Variants in OCSTAMP observed in about 807,000 individuals in gnomAD.
OCSTAMP encodes transmembrane protein C20orf123.
OCSTAMP carries 17 observed loss-of-function variants against 25.2 expected under a neutral mutation model. That is an observed-to-expected ratio of 0.68 (90% CI 0.46 to 1.01). OCSTAMP has a LOEUF of 1.01. OCSTAMP is among the 50% of genes least tolerant of loss of function. The probability of loss-of-function intolerance (pLI) is 0.00; values close to 1 mark genes in which losing one functional copy is unlikely to be tolerated. For missense variants in OCSTAMP, 664 were observed against 694.6 expected, an observed-to-expected ratio of 0.96 and a Z score of 0.50; for synonymous variants, 345 against 318.9, an observed-to-expected ratio of 1.08 and a Z score of -0.87.
At chr20:46,546,468 G>T in intron 1 of OCSTAMP, 139 bp from the exon 2 acceptor site, 1 of 714,374 alleles carries the variant, frequency 1.4e-6, no homozygotes, top group Non-Finnish European at 2.3e-6. Context: ...GGACCAATCA[G>T]AGTAAGTCAC....
At position 46,544,396 on chromosome 20, in the gene OCSTAMP, T is replaced by G. The variant is rs2061844754; in HGVS notation, c.1047+931A>C. On this transcript the variant is annotated intron_variant, in intron 2 of 2. Coordinates refer to ENST00000279028, the MANE Select transcript of OCSTAMP (RefSeq NM_080721.3). ...AAACACTATTTATGACTCCTTAAAT[T>G]GATTAAATTGATTTTGTGCAGTCTG... Among the ~76,000 whole-genome samples, 6 of 152,242 alleles carry G rather than the reference T, an allele frequency of 3.9e-5. 1 individual carries two copies. In the South Asian group the frequency reaches 1.2e-3, roughly 31 times the overall value.
At position 46,544,561 on chromosome 20, in the gene OCSTAMP, G is replaced by C. The variant is rs1474949328; in HGVS notation, c.1047+766C>G. Among the ~76,000 whole-genome samples, 9 of 152,270 alleles carry C rather than the reference G, an allele frequency of 5.9e-5. No individual in the cohort carries two copies. The South Asian group carries it at 8.3e-4, about 14-fold the overall frequency. Reference sequence around the variant, plus strand: ...CACTACTAAAAATTAAAAATAAAAAGATCCGTGGCAAAAGAAAGGATCGAA... The same window carrying C: ...CACTACTAAAAATTAAAAATAAAAACATCCGTGGCAAAAGAAAGGATCGAA... On this transcript the variant is annotated intron_variant, in intron 2 of 2. Coordinates refer to ENST00000279028, the MANE Select transcript of OCSTAMP (RefSeq NM_080721.3).
At position 46,541,412 on chromosome 20, in the gene OCSTAMP, C is replaced by T; in HGVS notation, c.1563G>A (p.Leu521=). ...LGPVPPPCVT[L]GKSLHLSEPR... is the part of the protein sequence containing the mutation. ...GCTCAGAGAGGTGAAGTGACTTACC[C>T]AAGGTCACACAGGGAGGCGGCACAG... Residue 521 remains leucine (L), a synonymous_variant, in exon 3 of 3, where the codon TTG becomes TTA. Transcript: ENST00000279028. 2 of 1,295,862 alleles carry T rather than the reference C, an allele frequency of 1.5e-6. No homozygotes were observed. Among genetic ancestry groups the T allele is most frequent in the Admixed American group, 2.0e-5 (1 of 50,690 alleles). The allele number at this position is 1,295,862 out of a possible 1,614,324, so 80.3% of individuals were successfully genotyped here. A position where few individuals can be genotyped will look rare whatever the true frequency, so the allele number is the denominator to read the frequency against.
chr20:46,542,281 T>G (rs111735135), intron 2 of OCSTAMP, among the ~76,000 whole-genome samples: 10,362 of 152,182 alleles, frequency 0.068, 399 homozygotes, highest in South Asian at 0.12. Context: ...AGGAGCCTAA[T>G]TTAAAAGATG....
At position 46,550,610 on chromosome 20, in the gene OCSTAMP, C is replaced by T. The variant is rs1422720402; in HGVS notation, c.-50G>A. On this transcript the variant is annotated 5_prime_UTR_variant, in exon 1 of 3. Transcript: ENST00000279028. Reference sequence around the variant, plus strand: ...GGCGGGCGGTCGCTGGCAGCTGTGGCAGGTGGAGAGGAAGTGGGGGAATCG... The same window carrying T: ...GGCGGGCGGTCGCTGGCAGCTGTGGTAGGTGGAGAGGAAGTGGGGGAATCG... 6.5e-7 allele frequency: 1 copy of T among 1,534,188 alleles called. No homozygotes were observed. The highest frequency in any genetic ancestry group is 2.5e-5 in the East Asian group (1 of 40,816).
chr20:46,545,927 C>T lies in OCSTAMP; in HGVS notation c.447G>A (p.Leu149=), dbSNP rs775992605. The change falls in exon 2 of 3, where the codon CTG becomes CTA. Residue 149 remains leucine, a synonymous_variant. Coordinates refer to ENST00000279028, the MANE Select transcript of OCSTAMP (RefSeq NM_080721.3). ...CCAGGGAGCCCTCGGTGACACACCTCAGCACCTGCCCGGCCGCACCCACGT... is the reference window on the plus strand; with the variant it reads ...CCAGGGAGCCCTCGGTGACACACCTTAGCACCTGCCCGGCCGCACCCACGT... ...LANVGAAGQV[L]RCVTEGSLES... The T allele has an allele frequency of 4.0e-5, 62 of 1,551,262 alleles. No homozygotes were observed. Among genetic ancestry groups the T allele is most frequent in the Non-Finnish European group, 9.6e-6 (11 of 1,147,010 alleles).
chr20:46,542,463 C>T (rs181868176), intron 2 of OCSTAMP, among the ~76,000 whole-genome samples: 260 of 151,536 alleles, frequency 1.7e-3, no homozygotes, highest in African/African-American at 5.8e-3. Context: ...TGCCTGTAAT[C>T]CCAGCTTCTC....
In OCSTAMP at chr20:46,549,157, A is replaced by G. The variant is rs139162301; in HGVS notation, c.44+1360T>C. Among the ~76,000 whole-genome samples the G allele has an allele frequency of 1.5e-3, 229 of 152,300 alleles. 3 individuals carry two copies. Among genetic ancestry groups the G allele is most frequent in the African/African-American group, 5.3e-3 (222 of 41,570 alleles). ...AAGATCAATCTGTCACTTGCAACTC[A>G]ATGAGTCCTGACTAATACAGAAACC... is the stretch of plus-strand genomic sequence containing the variant. On this transcript the variant is annotated intron_variant, in intron 1 of 2. Coordinates refer to ENST00000279028, the MANE Select transcript of OCSTAMP (RefSeq NM_080721.3).
At chr20:46,543,614 G>T (rs956135339) in intron 2 of OCSTAMP, among the ~76,000 whole-genome samples, 2 of 152,096 alleles carry the variant, frequency 1.3e-5, no homozygotes, top group African/African-American at 4.8e-5. Flanking sequence ...TTATAGATAG[G>T]CATGAGCCTC....
chr20:46,542,126 A>G (rs2061836541), intron 2 of OCSTAMP, among the ~76,000 whole-genome samples, 199 bp from the exon 3 acceptor site: 1 of 152,166 alleles, frequency 6.6e-6, no homozygotes, highest in African/African-American at 2.4e-5. Context: ...TCACCATACA[A>G]ATGTTACTAA....
chr20:46,542,057 G>A, intron 2 of OCSTAMP, 130 bp from the exon 3 acceptor site: 1 of 1,301,374 alleles, frequency 7.7e-7, no homozygotes, highest in Non-Finnish European at 9.8e-7. Context: ...GTTTCCCAGG[G>A]TTTGAGGAGG....
In OCSTAMP at chr20:46,545,780, A is replaced by C; in HGVS notation, c.594T>G (p.Leu198=). 1 of 1,551,448 alleles carries C rather than the reference A, an allele frequency of 6.4e-7. No individual in the cohort carries two copies. Among genetic ancestry groups the C allele is most frequent in the Non-Finnish European group, 8.7e-7 (1 of 1,146,986 alleles). ...CCTGCTGAGTGACCCTGAGCATGTG[A>C]AGGTAGAAGGCAGAGCCATTGTCCT... The part of the protein sequence containing the change: ...EAQDNGSAFY[L]HMLRVTQQVL... Residue 198 remains leucine (L), a synonymous_variant, in exon 2 of 3, where the codon CTT becomes CTG. Transcript: ENST00000279028.
chr20:46,541,563 G>A lies in OCSTAMP; in HGVS notation c.1412C>T (p.Thr471Ile). The change falls in exon 3 of 3, where the codon ACA becomes ATA. Residue 471 changes from threonine (T) to isoleucine (I), a missense_variant. Thr to Ile is a moderately conservative substitution (Grantham distance 89, BLOSUM62 -1). Transcript: ENST00000279028. ...CGGAGGCTTGCAGGCAGGTCTGGGT[G>A]TGGGGACGCAAGAAGGATCCCCTAG... ...LPLGDPSCVP[T>I]PRPACKPPAW... 3.2e-6 allele frequency: 5 copies of A among 1,551,736 alleles called. No homozygotes were observed. The highest frequency in any genetic ancestry group is 2.4e-5 in the East Asian group (1 of 40,918).
At chr20:46,546,382 G>GTC in intron 1 of OCSTAMP, 53 bp from the exon 2 acceptor site, 1 of 1,436,134 alleles carries the variant, frequency 7.0e-7, no homozygotes, top group Non-Finnish European at 9.4e-7. Flanking sequence ...GTGGGTGGGT[G>GTC]TCTGTCCACT....
At position 46,545,170 on chromosome 20, in the gene OCSTAMP, C is replaced by T. The variant is rs569157918; in HGVS notation, c.1047+157G>A. ...ACTTCCTAGAGCTGTTGTGGGTATC[C>T]GATGAGTCCCTCTGCCCATGGTATG... is the stretch of plus-strand genomic sequence containing the variant. On this transcript the variant is annotated intron_variant, in intron 2 of 2. Transcript: ENST00000279028. 5.3e-5 allele frequency among the ~76,000 whole-genome samples: 8 copies of T among 152,214 alleles called. No individual in the cohort carries two copies. The East Asian group carries it at 7.7e-4, about 15-fold the overall frequency.
chr20:46,541,651 C>T lies in OCSTAMP; in HGVS notation c.1324G>A (p.Val442Ile). ...SFFTAQEARRVRHLHARLQRR... is the reference protein window; with the variant it reads ...SFFTAQEARRIRHLHARLQRR... ...TGGAGCCGGGCGTGCAGGTGGCGGA[C>T]CCTCCTCGCCTCCTGGGCTGTGAAG... Residue 442 changes from valine to isoleucine, a missense_variant, in exon 3 of 3, where the codon GTC becomes ATC. Transcript: ENST00000279028. 1.3e-6 allele frequency: 2 copies of T among 1,550,968 alleles called. No homozygotes were observed. Among genetic ancestry groups the T allele is most frequent in the South Asian group, 1.2e-5 (1 of 84,058 alleles).
At chr20:46,545,146 C>T (rs1166758454) in intron 2 of OCSTAMP, among the ~76,000 whole-genome samples, 181 bp downstream of exon 2, 2 of 152,152 alleles carry the variant, frequency 1.3e-5, no homozygotes, top group African/African-American at 4.8e-5. Flanking sequence ...ATAGAAACCA[C>T]TTCCTAGAGC....
Position 46,541,547 on chromosome 20 carries a change from G to A in OCSTAMP, c.1428C>T (p.Cys476=). Residue 476 remains cysteine, a synonymous_variant, in exon 3 of 3, where the codon TGC becomes TGT. Transcript: ENST00000279028. ...PSCVPTPRPA[C]KPPAWIDYRL... ...TGTAGTCTATCCATGCCGGAGGCTT[G>A]CAGGCAGGTCTGGGTGTGGGGACGC... The A allele has an allele frequency of 6.4e-7, 1 of 1,551,748 alleles. No individual in the cohort carries two copies. Among genetic ancestry groups the A allele is most frequent in the African/African-American group, 1.4e-5 (1 of 73,192 alleles).
intron 2 of OCSTAMP, among the ~76,000 whole-genome samples, chr20:46,543,258 T>TTTCTC (rs1188999019): frequency 6.7e-5 from 10 of 149,298 alleles, no homozygotes; most frequent in South Asian, 4.3e-4. Flanking sequence ...CTTTCTTTCC[T>TTTCTC]TCTTTCTTTT....
Sources: gnomAD v4.1 joint callset for allele counts (sites outside exome capture counted in the v4.1 genomes callset) on GRCh38, gnomAD v4.1.1 for gene constraint, MANE v1.5 for transcripts, NCBI Gene and HGNC (gene_info 2026-07-23, HGNC 2026-07-21) for gene names.